TEAD4: variants seen among roughly 807,000 people sequenced by gnomAD.
The protein encoded by TEAD4 is TEA domain transcription factor 4, also known as transcriptional enhancer factor TEF-3.
Under a neutral mutation model 52.4 loss-of-function variants are expected in TEAD4, and 36 were observed. That is an observed-to-expected ratio of 0.69 (90% CI 0.53 to 0.91). The LOEUF is 0.91. Ranked by LOEUF, TEAD4 falls within the 40% of genes least tolerant of loss-of-function variation. TEAD4 has a pLI of 0.00. For missense variants in TEAD4, 508 were observed against 583.9 expected, an observed-to-expected ratio of 0.87 and a Z score of 1.34; for synonymous variants, 220 against 231.0, an observed-to-expected ratio of 0.95 and a Z score of 0.43.
rs1259534987 is a variant in TEAD4 at position 3,038,598 on chromosome 12, C to T, written c.1038+490C>T. Reference sequence around the variant, plus strand: ...TCTGCTTATGGGTACCCTGGAGACCCTGCTCTAATGGAAGTTACAGAAAAT... The same window carrying T: ...TCTGCTTATGGGTACCCTGGAGACCTTGCTCTAATGGAAGTTACAGAAAAT... On this transcript the variant is annotated intron_variant, in intron 11 of 12. Coordinates refer to ENST00000359864, the MANE Select transcript of TEAD4 (RefSeq NM_003213.4). Among the ~76,000 whole-genome samples, 7 of 152,196 alleles carry T rather than the reference C, an allele frequency of 4.6e-5. No homozygotes were observed. The East Asian group carries it at 1.2e-3, about 25-fold the overall frequency.
intron 2 of TEAD4, among the ~76,000 whole-genome samples, chr12:2,982,848 T>C (rs2153953987): frequency 6.6e-6 from 1 of 151,832 alleles, no homozygotes; most frequent in African/African-American, 2.4e-5. Context: ...GCATTAGGAG[T>C]CTTTGGTTCT....
At chr12:3,001,776 CAAA>C (rs201617310) in intron 3 of TEAD4, among the ~76,000 whole-genome samples, 2 of 128,636 alleles carry the variant, frequency 1.6e-5, no homozygotes, top group Non-Finnish European at 1.7e-5. Flanking sequence ...GACTCTGTCT[CAAA>C]AAAAAAAAAA....
In TEAD4 at chr12:2,963,373, G is replaced by A. The variant is rs183373721; in HGVS notation, c.-30+3333G>A. On this transcript the variant is annotated intron_variant, in intron 2 of 12. Coordinates refer to ENST00000359864, the MANE Select transcript of TEAD4 (RefSeq NM_003213.4). ...TGCAGTTGAGGTCAGTCCAGTGGCA[G>A]TTGGAAATTCAGGGCTTGTGAGGGT... is the stretch of plus-strand genomic sequence containing the variant. 2.6e-5 allele frequency among the ~76,000 whole-genome samples: 4 copies of A among 152,346 alleles called. No homozygotes were observed. The East Asian group carries it at 7.7e-4, about 29-fold the overall frequency.
At chr12:3,037,421 T>C (rs1277628378) in intron 10 of TEAD4, among the ~76,000 whole-genome samples, 4 of 152,112 alleles carry the variant, frequency 2.6e-5, no homozygotes, top group African/African-American at 9.7e-5. Flanking sequence ...CAGAGCCGTT[T>C]CTGAGGGAGC....
At chr12:2,992,163 C>T (rs1324688414) in intron 2 of TEAD4, among the ~76,000 whole-genome samples, 1 of 151,900 alleles carries the variant, frequency 6.6e-6, no homozygotes, top group African/African-American at 2.4e-5. Context: ...GGATTACAGG[C>T]ACCCGCCACC....
chr12:2,990,491 G>A (rs10848761), intron 2 of TEAD4, among the ~76,000 whole-genome samples: 23 of 20,846 alleles, frequency 1.1e-3, no homozygotes, highest in African/African-American at 5.6e-3. Flanking sequence ...TTTTTTTTGA[G>A]ATGGAGTCTC....
intron 2 of TEAD4, among the ~76,000 whole-genome samples, chr12:2,963,671 C>A (rs537913857): frequency 2.0e-5 from 3 of 152,176 alleles, no homozygotes; most frequent in African/African-American, 7.2e-5. Flanking sequence ...TGGTTTTTCC[C>A]GCTACTATCT....
At chr12:3,031,879 A>G (rs972763821) in intron 10 of TEAD4, among the ~76,000 whole-genome samples, 2 of 152,188 alleles carry the variant, frequency 1.3e-5, no homozygotes, top group African/African-American at 4.8e-5. Flanking sequence ...CATACTAAAC[A>G]GTCCTCCTTG....
chr12:3,038,053 T>G lies in TEAD4; in HGVS notation c.983T>G (p.Ile328Ser), dbSNP rs1482024630. Residue 328 changes from isoleucine (I) to serine (S), a missense_variant, in exon 11 of 13, where the codon ATC becomes AGC. Ile to Ser is a moderately radical substitution (Grantham distance 142). Transcript: ENST00000359864. ...TATGAGAGCCCCGAGAACATGATCA[T>G]CACCTGCTCCACGAAGGTCTGCTCT... The G allele has an allele frequency of 6.2e-7, 1 of 1,614,002 alleles. No individual in the cohort carries two copies. The highest frequency in any genetic ancestry group is 8.5e-7 in the Non-Finnish European group (1 of 1,179,926).
intron 2 of TEAD4, among the ~76,000 whole-genome samples, chr12:2,971,650 T>C (rs561075389): frequency 1.4e-4 from 21 of 150,368 alleles, no homozygotes; most frequent in Admixed American, 1.3e-3. Context: ...TAATTTTTTG[T>C]ATTTTTAGTA....
chr12:2,987,536 G>A (rs2098239562), intron 2 of TEAD4, among the ~76,000 whole-genome samples: 1 of 151,914 alleles, frequency 6.6e-6, no homozygotes, highest in Non-Finnish European at 1.5e-5. Context: ...CCGGGTTCAC[G>A]CCATTCTCCT....
At position 2,994,079 on chromosome 12, in the gene TEAD4, T is replaced by C. The variant is rs192535220; in HGVS notation, c.-29-659T>C. On this transcript the variant is annotated intron_variant, in intron 2 of 12. Transcript: ENST00000359864. The surrounding 1 kb of genome is among the most constrained non-coding windows in gnomAD (Gnocchi z 4.7). Reference sequence around the variant, plus strand: ...CCTGCTTTCAGTTTGTTTGGGTATATACCCAGGTATTGGGTCATATGGTCT... The same window carrying C: ...CCTGCTTTCAGTTTGTTTGGGTATACACCCAGGTATTGGGTCATATGGTCT... 1.7e-3 allele frequency among the ~76,000 whole-genome samples: 260 copies of C among 152,286 alleles called. 1 individual carries two copies. Among genetic ancestry groups the C allele is most frequent in the African/African-American group, 5.7e-3 (238 of 41,556 alleles).
chr12:3,004,493 C>T (rs1314446895), intron 3 of TEAD4, among the ~76,000 whole-genome samples: 4 of 152,128 alleles, frequency 2.6e-5, no homozygotes, highest in South Asian at 2.1e-4. Context: ...CCTGTTCATT[C>T]GGAGTGGTAC....
At chr12:3,021,601 G>A (rs748673829) in intron 9 of TEAD4, among the ~76,000 whole-genome samples, 5 of 152,122 alleles carry the variant, frequency 3.3e-5, no homozygotes, top group Admixed American at 2.6e-4. Context: ...GTGAGCCGCC[G>A]CACCCGGCTC....
intron 10 of TEAD4, among the ~76,000 whole-genome samples, chr12:3,025,936 CT>C (rs11370551): frequency 1.3e-5 from 2 of 150,318 alleles, no homozygotes; most frequent in East Asian, 3.9e-4. Flanking sequence ...TATTATGTAA[CT>C]TTTTTTTTTC....
intron 2 of TEAD4, among the ~76,000 whole-genome samples, chr12:2,988,450 C>G (rs938648221): frequency 7.0e-6 from 1 of 142,542 alleles, no homozygotes; most frequent in Non-Finnish European, 1.5e-5. Context: ...ACCTGGGAGG[C>G]AGAGGTTGCA....
At chr12:3,000,366 TGC>T (rs1346551554) in intron 3 of TEAD4, among the ~76,000 whole-genome samples, 1 of 152,194 alleles carries the variant, frequency 6.6e-6, no homozygotes, top group Non-Finnish European at 1.5e-5. Flanking sequence ...GTTGAGGGGC[TGC>T]ATCTGTGAGG....
intron 10 of TEAD4, among the ~76,000 whole-genome samples, chr12:3,031,194 C>A (rs2098275269): frequency 6.6e-6 from 1 of 152,184 alleles, no homozygotes; most frequent in Non-Finnish European, 1.5e-5. Flanking sequence ...TCTGAGGGGG[C>A]CCCCAGCCCC....
At chr12:2,966,075 A>G (rs2098220011) in intron 2 of TEAD4, among the ~76,000 whole-genome samples, 1 of 152,178 alleles carries the variant, frequency 6.6e-6, no homozygotes, top group Admixed American at 6.5e-5. Context: ...AAATGAAGTG[A>G]GATACCTAGT....
Sources: allele counts gnomAD v4.1 joint callset (sites outside exome capture counted in the v4.1 genomes callset), GRCh38; gene constraint gnomAD v4.1.1; non-coding constraint Gnocchi (gnomAD v3.1); transcripts MANE v1.5; gene names NCBI Gene and HGNC (gene_info 2026-07-23, HGNC 2026-07-21).